CUL5: variants seen among roughly 807,000 people sequenced by gnomAD.
CUL5 encodes the protein cullin 5, also known as cullin-5.
CUL5 carries 26 observed loss-of-function variants against 108.8 expected under a neutral mutation model. The observed-to-expected ratio is 0.24, with a 90% CI of 0.18 to 0.33. The LOEUF (loss-of-function observed/expected upper bound fraction) is 0.33. CUL5 is among the 10% of genes least tolerant of loss of function. The pLI is 1.00. For missense variants in CUL5, 524 were observed against 909.2 expected (o/e 0.58, Z 5.45); for synonymous variants, 334 against 298.0 (o/e 1.12, Z -1.25).
chr11:108,048,694 T>G (rs1314139520), intron 3 of CUL5, among the ~76,000 whole-genome samples: 1 of 133,720 alleles, frequency 7.5e-6, no homozygotes, highest in African/African-American at 2.9e-5. Flanking sequence ...TGAGGTGGAT[T>G]CTCACTTTGT....
intron 16 of CUL5, among the ~76,000 whole-genome samples, chr11:108,097,091 C>T (rs979334738): frequency 6.6e-6 from 1 of 152,160 alleles, no homozygotes; most frequent in Non-Finnish European, 1.5e-5. Flanking sequence ...AATCTCAGCT[C>T]ACTGCAACCT....
Position 108,022,882 on chromosome 11 carries a change from T to C in CUL5, c.25-10920T>C, listed in dbSNP as rs537274532. Among the ~76,000 whole-genome samples the C allele has an allele frequency of 2.6e-5, 4 of 152,212 alleles. No individual in the cohort carries two copies. The South Asian group carries it at 8.3e-4, about 32-fold the overall frequency. ...AAGTCAATTATAAAATTGAGTTGTT[T>C]TGCTTTTCTTATGGACTTTTTAGTT... On this transcript the variant is annotated intron_variant, in intron 1 of 18. Transcript: ENST00000393094.
rs138143013 is a variant in CUL5, at chr11:108,050,061, C to T, written c.406C>T (p.Arg136Ter). Residue 136 changes from arginine (R) to a stop codon, truncating the protein, a stop_gained, in exon 4 of 19, where the codon CGA becomes TGA. Transcript: ENST00000393094. LOFTEE classifies it high-confidence loss of function. Reference sequence around the variant, plus strand: ...ATCAAATGTGGAAGACAGTATTGTTCGAAAGGTAAGACTATTTTTCTCCTT... The same window carrying T: ...ATCAAATGTGGAAGACAGTATTGTTTGAAAGGTAAGACTATTTTTCTCCTT... ...KKSNVEDSIVRKLMLDTWNES... is the reference protein window; with the variant it reads ...KKSNVEDSIV The T allele has an allele frequency of 6.3e-7, 1 of 1,594,714 alleles. No homozygotes were observed. Among genetic ancestry groups the T allele is most frequent in the Non-Finnish European group, 8.5e-7 (1 of 1,171,120 alleles).
In CUL5 at chr11:108,012,345, G is replaced by A. The variant is rs542670237; in HGVS notation, c.24+2973G>A. On this transcript the variant is annotated intron_variant, in intron 1 of 18. Coordinates refer to ENST00000393094, the MANE Select transcript of CUL5 (RefSeq NM_003478.6). Reference sequence around the variant, plus strand: ...TGAGCCTCACCCCTCTTAATTCTTAGTACATTACTTTACCCAGCTATTTGA... The same window carrying A: ...TGAGCCTCACCCCTCTTAATTCTTAATACATTACTTTACCCAGCTATTTGA... Among the ~76,000 whole-genome samples the A allele has an allele frequency of 5.3e-5, 8 of 151,786 alleles. No individual in the cohort carries two copies. The South Asian group carries it at 1.7e-3, about 32-fold the overall frequency.
chr11:108,022,524 T>A (rs942074713), intron 1 of CUL5, among the ~76,000 whole-genome samples: 4 of 152,212 alleles, frequency 2.6e-5, no homozygotes, highest in African/African-American at 9.6e-5. Flanking sequence ...GCATTTTTTT[T>A]AAGCAGTGAT....
At chr11:108,031,222 G>A (rs1862573317) in intron 1 of CUL5, among the ~76,000 whole-genome samples, 1 of 151,908 alleles carries the variant, frequency 6.6e-6, no homozygotes, top group African/African-American at 2.4e-5. Context: ...ACAAAAATTA[G>A]CCAGGTGTGG....
intron 11 of CUL5, among the ~76,000 whole-genome samples, chr11:108,079,362 T>A (rs1422021976): frequency 6.6e-6 from 1 of 152,138 alleles, no homozygotes; most frequent in Non-Finnish European, 1.5e-5. Flanking sequence ...CACCTCAGCC[T>A]CCCAAAGTGC....
intron 7 of CUL5, among the ~76,000 whole-genome samples, chr11:108,068,982 G>A (rs947900830): frequency 6.6e-6 from 1 of 152,164 alleles, no homozygotes; most frequent in Admixed American, 6.5e-5. Context: ...TTGGGGCCAG[G>A]CCTGATGGTT....
Position 108,091,116 on chromosome 11 carries a change from A to G in CUL5, c.1443+1493A>G, listed in dbSNP as rs568778789. On this transcript the variant is annotated intron_variant, in intron 13 of 18. Coordinates refer to ENST00000393094, the MANE Select transcript of CUL5 (RefSeq NM_003478.6). ...ACCCAGGCTGGATTGCAGTGGTGCAATCTTGACTCACTGAAACCTCTGTCT... is the reference window on the plus strand; with the variant it reads ...ACCCAGGCTGGATTGCAGTGGTGCAGTCTTGACTCACTGAAACCTCTGTCT... Among the ~76,000 whole-genome samples the G allele has an allele frequency of 1.4e-4, 22 of 151,750 alleles. No homozygotes were observed. The East Asian group carries it at 4.1e-3, about 28-fold the overall frequency.
chr11:108,101,627 C>G (rs890312153), intron 18 of CUL5, among the ~76,000 whole-genome samples: 1 of 152,124 alleles, frequency 6.6e-6, no homozygotes, highest in South Asian at 2.1e-4. Context: ...TCCATTAGCT[C>G]GAAACTCTTG....
chr11:108,055,916 C>T (rs1391607221), intron 7 of CUL5, among the ~76,000 whole-genome samples: 1 of 152,088 alleles, frequency 6.6e-6, no homozygotes, highest in Non-Finnish European at 1.5e-5. Flanking sequence ...CAGGCGTGAG[C>T]CACTGCACCC....
intron 1 of CUL5, among the ~76,000 whole-genome samples, chr11:108,010,300 T>A (rs1441050672): frequency 6.6e-6 from 1 of 152,272 alleles, no homozygotes; most frequent in Non-Finnish European, 1.5e-5. Context: ...GATGAACCAC[T>A]TCTTCCTGAG....
At chr11:108,015,624 A>C (rs1862165778) in intron 1 of CUL5, among the ~76,000 whole-genome samples, 1 of 152,158 alleles carries the variant, frequency 6.6e-6, no homozygotes, top group African/African-American at 2.4e-5. Context: ...ACAAATTTCA[A>C]GGGTGTCTGT....
chr11:108,063,793 T>C (rs946605180), intron 7 of CUL5, among the ~76,000 whole-genome samples: 4 of 152,092 alleles, frequency 2.6e-5, no homozygotes, highest in Non-Finnish European at 5.9e-5. Flanking sequence ...TCTGTATTAG[T>C]TTTTTGAGGA....
At chr11:108,083,683 CAGG>C (rs1405475791) in intron 11 of CUL5, among the ~76,000 whole-genome samples, 1 of 152,120 alleles carries the variant, frequency 6.6e-6, no homozygotes, top group African/African-American at 2.4e-5. Flanking sequence ...CCTAGCTATT[CAGG>C]AGGATTGTTT....
At chr11:108,031,999 A>C (rs1206513510) in intron 1 of CUL5, among the ~76,000 whole-genome samples, 1 of 152,290 alleles carries the variant, frequency 6.6e-6, no homozygotes. Flanking sequence ...AAGGGGAACA[A>C]CACACACTGG....
chr11:108,094,244 T>G (rs1157979867), intron 13 of CUL5, 147 bp from the exon 14 acceptor site: 19 of 551,134 alleles, frequency 3.4e-5, no homozygotes, highest in Admixed American at 1.2e-4. Flanking sequence ...GTAGCAAATT[T>G]CATAGGTATT....
At chr11:108,081,058 G>A (rs929008704) in intron 11 of CUL5, among the ~76,000 whole-genome samples, 9 of 151,984 alleles carry the variant, frequency 5.9e-5, no homozygotes, top group African/African-American at 2.2e-4. Context: ...AGGCCAAAGC[G>A]GGTGGATCAC....
rs901875269 is a variant in CUL5 at position 108,106,013 on chromosome 11, T to G, written c.*1629T>G. On this transcript the variant is annotated 3_prime_UTR_variant, in exon 19 of 19. Coordinates refer to ENST00000393094, the MANE Select transcript of CUL5 (RefSeq NM_003478.6). ...AGCCAAATGCCTGTTCTGAAACTTATAGGAAATTGGAATTTTGTTTAAAAT... is the reference window on the plus strand; with the variant it reads ...AGCCAAATGCCTGTTCTGAAACTTAGAGGAAATTGGAATTTTGTTTAAAAT... The G allele has an allele frequency of 6.6e-6, 1 of 152,154 alleles. No homozygotes were observed. The highest frequency in any genetic ancestry group is 1.5e-5 in the Non-Finnish European group (1 of 68,000). The allele number at this position is 152,154 out of a possible 1,614,324, so 9.4% of individuals were successfully genotyped here. A position where few individuals can be genotyped will look rare whatever the true frequency, so the allele number is the denominator to read the frequency against.
Sources: allele counts gnomAD v4.1 joint callset (sites outside exome capture counted in the v4.1 genomes callset), GRCh38; gene constraint gnomAD v4.1.1; transcripts MANE v1.5; gene names NCBI Gene and HGNC (gene_info 2026-07-23, HGNC 2026-07-21).